PDE7A: variants seen among roughly 807,000 people sequenced by gnomAD.
PDE7A encodes the protein phosphodiesterase 7A.
A neutral mutation model predicts 64.3 loss-of-function variants in PDE7A; 39 were observed. That is an observed-to-expected ratio of 0.61 (90% CI 0.47 to 0.79). The LOEUF (loss-of-function observed/expected upper bound fraction) is 0.79. PDE7A is among the 30% of genes least tolerant of loss of function. PDE7A has a pLI of 0.00. For synonymous variants in PDE7A, 203 were observed against 206.8 expected (o/e 0.98, Z 0.16); for missense variants, 470 against 582.8 (o/e 0.81, Z 1.99).
intron 3 of PDE7A, among the ~76,000 whole-genome samples, chr8:65,754,187 T>C (rs926017625): frequency 6.6e-6 from 1 of 152,170 alleles, no homozygotes; most frequent in East Asian, 1.9e-4. Flanking sequence ...GTCTAGTCTT[T>C]CCATGTTTTT....
intron 1 of PDE7A, among the ~76,000 whole-genome samples, chr8:65,823,444 A>G (rs971498149): frequency 1.3e-5 from 2 of 152,226 alleles, no homozygotes; most frequent in South Asian, 2.1e-4. Flanking sequence ...TTAAAAACTT[A>G]AAAGTTTCAG....
intron 5 of PDE7A, among the ~76,000 whole-genome samples, chr8:65,740,504 G>A (rs374573482): frequency 2.6e-5 from 4 of 152,126 alleles, no homozygotes; most frequent in Admixed American, 6.5e-5. Flanking sequence ...GAGTTCAAGC[G>A]ATTCTCCTGC....
In PDE7A at chr8:65,736,094, G is replaced by A. The variant is rs183414354; in HGVS notation, c.596-1200C>T. 9.2e-3 allele frequency among the ~76,000 whole-genome samples: 1,398 copies of A among 152,168 alleles called. 13 individuals carry two copies. The highest frequency in any genetic ancestry group is 0.015 in the Non-Finnish European group (1,034 of 68,028). On this transcript the variant is annotated intron_variant, in intron 6 of 12. Coordinates refer to ENST00000401827, the MANE Select transcript of PDE7A (RefSeq NM_001242318.3). ...ACGATAATGCGCAATTTATAAGTTA[G>A]TCACAGTAAGAAATTAACAATAATT... is the stretch of plus-strand genomic sequence containing the variant.
chr8:65,821,052 C>T (rs1810529929), intron 1 of PDE7A, among the ~76,000 whole-genome samples: 1 of 152,124 alleles, frequency 6.6e-6, no homozygotes, highest in East Asian at 1.9e-4. Flanking sequence ...AAATCAGTGT[C>T]ATCTGCATTC....
chr8:65,729,151 T>TC (rs137896576), intron 7 of PDE7A, among the ~76,000 whole-genome samples: 6,283 of 152,214 alleles, frequency 0.041, 190 homozygotes, highest in Non-Finnish European at 0.062. Context: ...CAAAGAAATG[T>TC]CAAAAAAGAA....
At chr8:65,768,393 T>C (rs1808908214) in intron 3 of PDE7A, among the ~76,000 whole-genome samples, 1 of 152,140 alleles carries the variant, frequency 6.6e-6, no homozygotes, top group Non-Finnish European at 1.5e-5. Flanking sequence ...GGGGTGCTAA[T>C]TCTCATGATA....
At chr8:65,761,951 T>C (rs534095349) in intron 3 of PDE7A, among the ~76,000 whole-genome samples, 1 of 152,290 alleles carries the variant, frequency 6.6e-6, no homozygotes, top group East Asian at 1.9e-4. Context: ...ACAACCGATG[T>C]CACAAAAGAG....
chr8:65,734,566 T>C (rs192455355), intron 7 of PDE7A, among the ~76,000 whole-genome samples: 2 of 152,200 alleles, frequency 1.3e-5, no homozygotes, highest in African/African-American at 4.8e-5. Flanking sequence ...TCAAGTGACC[T>C]GGCCCTTGCT....
intron 1 of PDE7A, among the ~76,000 whole-genome samples, chr8:65,785,652 G>C (rs1809533367): frequency 6.6e-6 from 1 of 151,992 alleles, no homozygotes; most frequent in African/African-American, 2.4e-5. Context: ...GGGCATATGT[G>C]GCAATAAATA....
intron 1 of PDE7A, among the ~76,000 whole-genome samples, chr8:65,830,136 G>A (rs1390041015): frequency 6.6e-5 from 10 of 152,008 alleles, no homozygotes; most frequent in Admixed American, 5.2e-4. Flanking sequence ...TTGCTGTCGA[G>A]TACTGTCTTT....
chr8:65,832,660 A>T (rs1034006420), intron 1 of PDE7A, among the ~76,000 whole-genome samples: 2 of 151,740 alleles, frequency 1.3e-5, no homozygotes, highest in African/African-American at 2.4e-5. Flanking sequence ...AATTTTTAAA[A>T]TTTTTTTTGC....
chr8:65,739,435 AT>A (rs1256719553), intron 6 of PDE7A, 66 bp downstream of exon 6: 1 of 1,466,138 alleles, frequency 6.8e-7, no homozygotes, highest in East Asian at 2.6e-5. Context: ...TATAACTGAG[AT>A]AAAACTTAAA....
intron 1 of PDE7A, among the ~76,000 whole-genome samples, chr8:65,788,473 A>T (rs1809618544): frequency 6.6e-6 from 1 of 152,198 alleles, no homozygotes; most frequent in African/African-American, 2.4e-5. Flanking sequence ...TAAAAAGTTT[A>T]TAATTGTTTA....
At chr8:65,765,227 C>T (rs1399676809) in intron 3 of PDE7A, among the ~76,000 whole-genome samples, 3 of 151,992 alleles carry the variant, frequency 2.0e-5, no homozygotes, top group Admixed American at 6.5e-5. Flanking sequence ...CGGTGGCTCA[C>T]GCCTGTAATC....
At position 65,716,248 on chromosome 8, in the gene PDE7A, G is replaced by A. The variant is rs1275116699; in HGVS notation, c.*3042C>T. On this transcript the variant is annotated 3_prime_UTR_variant, in exon 13 of 13. Transcript: ENST00000401827. ...TTATTATATGTGTAGGCAGGAAATGGGAGCCACACCCACAGTTCCCCTGAG... is the reference window on the plus strand; with the variant it reads ...TTATTATATGTGTAGGCAGGAAATGAGAGCCACACCCACAGTTCCCCTGAG... Among the ~76,000 whole-genome samples, 1 of 151,990 alleles carries A rather than the reference G, an allele frequency of 6.6e-6. No individual in the cohort carries two copies. Among genetic ancestry groups the A allele is most frequent in the Non-Finnish European group, 1.5e-5 (1 of 67,982 alleles).
At chr8:65,782,402 C>T (rs1224453544) in intron 2 of PDE7A, among the ~76,000 whole-genome samples, 1 of 152,204 alleles carries the variant, frequency 6.6e-6, no homozygotes, top group Non-Finnish European at 1.5e-5. Flanking sequence ...GAACAAAATA[C>T]ATCTAGTGAC....
intron 1 of PDE7A, chr8:65,838,589 T>C (rs1406484694): frequency 6.6e-6 from 1 of 152,212 alleles, no homozygotes; most frequent in Admixed American, 6.5e-5. Flanking sequence ...TGGAAATCTT[T>C]TTAAAAACAA....
At chr8:65,803,756 T>TTA (rs1370427093) in intron 1 of PDE7A, among the ~76,000 whole-genome samples, 2 of 152,206 alleles carry the variant, frequency 1.3e-5, no homozygotes, top group African/African-American at 4.8e-5. Context: ...TGAAATATGC[T>TTA]TATATATATG....
intron 1 of PDE7A, among the ~76,000 whole-genome samples, chr8:65,783,586 T>C (rs778106072): frequency 8.5e-5 from 13 of 152,164 alleles, no homozygotes; most frequent in African/African-American, 1.4e-4. Context: ...CTAGAAGCCA[T>C]CCCCTTCCAC....
Sources: allele counts gnomAD v4.1 joint callset (sites outside exome capture counted in the v4.1 genomes callset), GRCh38; gene constraint gnomAD v4.1.1; transcripts MANE v1.5; gene names NCBI Gene and HGNC (gene_info 2026-07-23, HGNC 2026-07-21).